Variants in BACH2 observed in about 807,000 individuals in gnomAD.
BACH2 encodes the protein BACH transcriptional regulator 2.
BACH2 carries 5 observed loss-of-function variants against 61.8 expected under a neutral mutation model. That is an observed-to-expected ratio of 0.08 (90% CI 0.04 to 0.17). BACH2 has a LOEUF of 0.17. BACH2 is among the 10% of genes least tolerant of loss of function. The pLI is 1.00. For missense variants in BACH2, 824 were observed against 1,091.1 expected (o/e 0.76, Z 3.45); for synonymous variants, 446 against 440.1 (o/e 1.01, Z -0.17).
intron 5 of BACH2, among the ~76,000 whole-genome samples, chr6:90,053,474 G>T (rs1441681016): frequency 6.6e-6 from 1 of 151,954 alleles, no homozygotes; most frequent in Non-Finnish European, 1.5e-5. Context: ...TAGAGCTAGG[G>T]TCTCACTGTA....
chr6:90,013,509 TC>T (rs1777840249), intron 5 of BACH2, among the ~76,000 whole-genome samples: 4 of 127,968 alleles, frequency 3.1e-5, no homozygotes, highest in Non-Finnish European at 6.3e-5. Flanking sequence ...TTTTTCTTTT[TC>T]TTTTTTTTTT....
chr6:90,123,285 A>C (rs966358737), intron 4 of BACH2, among the ~76,000 whole-genome samples: 2 of 152,232 alleles, frequency 1.3e-5, no homozygotes, highest in Non-Finnish European at 2.9e-5. Flanking sequence ...GAGCCTCCCC[A>C]GAAGCTGGGA....
At chr6:89,983,620 G>C (rs1005728225) in intron 6 of BACH2, among the ~76,000 whole-genome samples, 34 of 152,300 alleles carry the variant, frequency 2.2e-4, no homozygotes, top group African/African-American at 7.7e-4. Context: ...GGTGAGCCGA[G>C]ATCACGCCAT....
chr6:90,135,368 A>G (rs1033885357), intron 4 of BACH2, among the ~76,000 whole-genome samples: 2 of 152,162 alleles, frequency 1.3e-5, no homozygotes, highest in African/African-American at 4.8e-5. Context: ...CCTCGGCTAC[A>G]CTTCTCGCCT....
intron 1 of BACH2, among the ~76,000 whole-genome samples, chr6:90,273,215 A>G (rs950104169): frequency 8.1e-6 from 1 of 122,916 alleles, no homozygotes; most frequent in Non-Finnish European, 1.9e-5. Flanking sequence ...AAAATTAGCC[A>G]GGCATGGTGG....
chr6:90,217,254 T>C (rs563837389), intron 3 of BACH2, among the ~76,000 whole-genome samples: 25 of 152,296 alleles, frequency 1.6e-4, no homozygotes, highest in Middle Eastern at 3.4e-3. Context: ...CAAAATTCAG[T>C]GGTAGCTATT....
intron 7 of BACH2, among the ~76,000 whole-genome samples, chr6:89,947,930 AG>A (rs1251176007): frequency 2.0e-5 from 3 of 152,088 alleles, no homozygotes; most frequent in African/African-American, 7.2e-5. Flanking sequence ...GTATTTCTCA[AG>A]GGGGGAAGGC....
intron 4 of BACH2, among the ~76,000 whole-genome samples, chr6:90,178,579 A>G (rs993974707): frequency 4.6e-5 from 7 of 152,262 alleles, no homozygotes; most frequent in African/African-American, 1.7e-4. Flanking sequence ...TAAGAAAACA[A>G]TGTTCACTTG....
chr6:90,252,483 T>G (rs1770843148), intron 3 of BACH2, 30 bp downstream of exon 3: 1 of 152,234 alleles, frequency 6.6e-6, no homozygotes. Flanking sequence ...CTAAATTTTT[T>G]TAGTCTCTTT....
At chr6:90,170,679 C>A (rs1206304222) in intron 4 of BACH2, among the ~76,000 whole-genome samples, 1 of 152,136 alleles carries the variant, frequency 6.6e-6, no homozygotes, top group Non-Finnish European at 1.5e-5. Context: ...GTAGTGAAAT[C>A]CATGAATGGC....
intron 1 of BACH2, among the ~76,000 whole-genome samples, chr6:90,295,789 C>G (rs1321219468): frequency 1.3e-5 from 2 of 152,244 alleles, no homozygotes; most frequent in Admixed American, 6.5e-5. Context: ...TTTCCGACAA[C>G]CCGATCTTTC....
intron 4 of BACH2, among the ~76,000 whole-genome samples, chr6:90,183,133 G>A (rs148948575): frequency 6.6e-6 from 1 of 152,134 alleles, no homozygotes; most frequent in Admixed American, 6.5e-5. Flanking sequence ...TGCACGGAAG[G>A]CCTCTTTACT....
intron 6 of BACH2, among the ~76,000 whole-genome samples, chr6:89,994,204 C>T (rs191101876): frequency 7.9e-5 from 12 of 152,260 alleles, no homozygotes; most frequent in South Asian, 2.1e-4. Context: ...CCTCACACTC[C>T]CTGCTTCCTT....
chr6:90,150,938 C>T (rs1784792167), intron 4 of BACH2, among the ~76,000 whole-genome samples: 1 of 152,180 alleles, frequency 6.6e-6, no homozygotes, highest in Non-Finnish European at 1.5e-5. Flanking sequence ...ATGGCCACCA[C>T]AGTCACTGTA....
intron 4 of BACH2, among the ~76,000 whole-genome samples, chr6:90,197,321 C>T (rs966710036): frequency 1.3e-5 from 2 of 152,114 alleles, no homozygotes; most frequent in African/African-American, 4.8e-5. Context: ...TATAAATTTC[C>T]TTTCATACAT....
chr6:90,161,112 T>C (rs1785177411), intron 4 of BACH2, among the ~76,000 whole-genome samples: 1 of 151,678 alleles, frequency 6.6e-6, no homozygotes, highest in Non-Finnish European at 1.5e-5. Flanking sequence ...AAAGGATTTT[T>C]GCCCTTAAAG....
intron 6 of BACH2, among the ~76,000 whole-genome samples, chr6:89,979,310 C>T (rs1048009686): frequency 6.6e-6 from 1 of 152,162 alleles, no homozygotes; most frequent in Non-Finnish European, 1.5e-5. Context: ...ATTTATTTGA[C>T]AAACATTCAC....
rs535648050 is a variant in BACH2, at chr6:90,083,464, A to G, written c.-13+5497T>C. Among the ~76,000 whole-genome samples, 6 of 152,332 alleles carry G rather than the reference A, an allele frequency of 3.9e-5. No individual in the cohort carries two copies. The East Asian group carries it at 1.2e-3, about 29-fold the overall frequency. On this transcript the variant is annotated intron_variant, in intron 5 of 8. Coordinates refer to ENST00000257749, the MANE Select transcript of BACH2 (RefSeq NM_021813.4). ...ATTTTGATGATCTCTTGAGCAGAACATAATCTGAATCTGAAATGGAATATT... is the reference window on the plus strand; with the variant it reads ...ATTTTGATGATCTCTTGAGCAGAACGTAATCTGAATCTGAAATGGAATATT...
intron 4 of BACH2, among the ~76,000 whole-genome samples, chr6:90,128,283 T>G (rs979060898): frequency 6.6e-6 from 1 of 152,148 alleles, no homozygotes; most frequent in Non-Finnish European, 1.5e-5. Context: ...TTAATTTGTT[T>G]GGTGGTAAGA....
Sources: allele counts gnomAD v4.1 joint callset (sites outside exome capture counted in the v4.1 genomes callset), GRCh38; gene constraint gnomAD v4.1.1; transcripts MANE v1.5; gene names NCBI Gene and HGNC (gene_info 2026-07-23, HGNC 2026-07-21).